CAP2: variants seen among roughly 807,000 people sequenced by gnomAD.
CAP2 encodes adenylyl cyclase-associated protein 2.
In CAP2, 24 loss-of-function variants were observed where a neutral mutation model predicts 57.7. The ratio of observed to expected loss-of-function variants is 0.42; its 90% confidence interval spans 0.30 to 0.58. CAP2 has a LOEUF of 0.58. Among genes scored for constraint, CAP2 ranks in the 20% least tolerant of loss-of-function variants. The pLI, the probability that CAP2 is intolerant of heterozygous loss-of-function variation, is 0.22. For missense variants in CAP2, 501 were observed against 590.3 expected (o/e 0.85, Z 1.57); for synonymous variants, 194 against 207.2 (o/e 0.94, Z 0.55).
In CAP2 at chr6:17,556,150, A is replaced by G. The variant is rs1763305256; in HGVS notation, c.1351-209A>G. 2.0e-5 allele frequency among the ~76,000 whole-genome samples: 3 copies of G among 152,268 alleles called. 1 individual carries two copies. In the South Asian group the frequency reaches 6.2e-4, roughly 32 times the overall value. ...AATGATGCTTTTAGCTTTAATGATG[A>G]TACTGGCTTGAAGTCACAGAACTGA... is the stretch of plus-strand genomic sequence containing the variant. On this transcript the variant is annotated intron_variant, in intron 12 of 12. Transcript: ENST00000229922.
chr6:17,395,161 C>G (rs1489210650), intron 1 of CAP2, among the ~76,000 whole-genome samples: 1 of 152,120 alleles, frequency 6.6e-6, no homozygotes, highest in Non-Finnish European at 1.5e-5. Flanking sequence ...TGTTCCCCAT[C>G]GTTAATGTGA....
In CAP2 at chr6:17,413,496, G is replaced by T. The variant is rs1489790637; in HGVS notation, c.-1-8059G>T. On this transcript the variant is annotated intron_variant, in intron 1 of 12. Transcript: ENST00000229922. ...TTCAGCCCCCTCACACTACAGTAGG[G>T]CAGGAAATGTTTTTTAATCAGCCTT... is the stretch of plus-strand genomic sequence containing the variant. Among the ~76,000 whole-genome samples the T allele has an allele frequency of 2.0e-5, 3 of 152,278 alleles. No individual in the cohort carries two copies. In the East Asian group the frequency reaches 5.8e-4, roughly 29 times the overall value.
intron 4 of CAP2, among the ~76,000 whole-genome samples, chr6:17,489,001 C>T (rs183292718): frequency 1.3e-4 from 20 of 152,276 alleles, no homozygotes; most frequent in Admixed American, 1.2e-3. Context: ...GCTGGCAGGA[C>T]GTCCTACCAT....
At chr6:17,461,763 TG>T (rs1317006963) in intron 3 of CAP2, among the ~76,000 whole-genome samples, 1 of 149,478 alleles carries the variant, frequency 6.7e-6, no homozygotes, top group Non-Finnish European at 1.5e-5. Flanking sequence ...GAGGCCAAGG[TG>T]GGCGGATCAT....
chr6:17,496,908 A>G (rs552106261), intron 4 of CAP2, among the ~76,000 whole-genome samples: 1 of 152,204 alleles, frequency 6.6e-6, no homozygotes, highest in Non-Finnish European at 1.5e-5. Flanking sequence ...ACCATGGGCC[A>G]CTTAAGAGGA....
At position 17,426,115 on chromosome 6, in the gene CAP2, C is replaced by A. The variant is rs138568406; in HGVS notation, c.122-475C>A. On this transcript the variant is annotated intron_variant, in intron 2 of 12. Transcript: ENST00000229922. ...CTCAAAAAACAAACAAACAAACAAA[C>A]AAAAAAACCAAACACATTGATTGAG... is the stretch of plus-strand genomic sequence containing the variant. Among the ~76,000 whole-genome samples, 948 of 151,432 alleles carry A rather than the reference C, an allele frequency of 6.3e-3. 12 individuals are homozygous for A. Among genetic ancestry groups the A allele is most frequent in the South Asian group, 0.052 (249 of 4,766 alleles).
At chr6:17,420,819 A>G (rs1366042649) in intron 1 of CAP2, among the ~76,000 whole-genome samples, 1 of 152,228 alleles carries the variant, frequency 6.6e-6, no homozygotes, top group Admixed American at 6.5e-5. Flanking sequence ...ATGGAATAGA[A>G]AATAAGCTCA....
chr6:17,455,926 G>A (rs1386619619), intron 3 of CAP2, among the ~76,000 whole-genome samples: 1 of 152,192 alleles, frequency 6.6e-6, no homozygotes, highest in Non-Finnish European at 1.5e-5. Context: ...TTCTTATGAG[G>A]AAGCAAGAAC....
chr6:17,400,757 CG>C (rs1281736949), intron 1 of CAP2, among the ~76,000 whole-genome samples: 1 of 150,252 alleles, frequency 6.7e-6, no homozygotes, highest in Non-Finnish European at 1.5e-5. Flanking sequence ...CCCAGCTACT[CG>C]GGAGGCTGAG....
At chr6:17,538,629 CA>C (rs1419884289) in intron 7 of CAP2, among the ~76,000 whole-genome samples, 1 of 152,168 alleles carries the variant, frequency 6.6e-6, no homozygotes, top group African/African-American at 2.4e-5. Flanking sequence ...TCAGTTGGTT[CA>C]CTAACAGCCA....
intron 3 of CAP2, among the ~76,000 whole-genome samples, chr6:17,436,960 A>G (rs918152406): frequency 6.6e-6 from 1 of 152,144 alleles, no homozygotes; most frequent in African/African-American, 2.4e-5. Flanking sequence ...TGAACTGCGC[A>G]TTCGAGGGAT....
At chr6:17,464,007 C>T (rs1760794887) in intron 4 of CAP2, among the ~76,000 whole-genome samples, 2 of 152,092 alleles carry the variant, frequency 1.3e-5, no homozygotes, top group East Asian at 3.9e-4. Flanking sequence ...TAATGGTTGG[C>T]GGAGGTCCGT....
At chr6:17,447,338 T>A (rs1760288165) in intron 3 of CAP2, among the ~76,000 whole-genome samples, 1 of 152,132 alleles carries the variant, frequency 6.6e-6, no homozygotes, top group Non-Finnish European at 1.5e-5. Flanking sequence ...AATTTTACAG[T>A]CACTAGAGAT....
chr6:17,492,881 C>T (rs572468696), intron 4 of CAP2, among the ~76,000 whole-genome samples: 2 of 152,200 alleles, frequency 1.3e-5, no homozygotes, highest in South Asian at 2.1e-4. Flanking sequence ...ACTTATGTAT[C>T]GCAAGTCCCT....
chr6:17,394,814 A>T (rs560052515), intron 1 of CAP2, among the ~76,000 whole-genome samples: 111 of 152,290 alleles, frequency 7.3e-4, no homozygotes, highest in Non-Finnish European at 1.4e-3. Flanking sequence ...GTCTAATTAG[A>T]CTGCAAGCCT....
chr6:17,426,440 G>A (rs1037214877), intron 2 of CAP2, 150 bp from the exon 3 acceptor site: 3 of 598,426 alleles, frequency 5.0e-6, no homozygotes, highest in Non-Finnish European at 9.3e-6. Context: ...TCACCATGTT[G>A]TCCAGGCTGG....
intron 3 of CAP2, among the ~76,000 whole-genome samples, chr6:17,450,801 A>G (rs1479258522): frequency 3.9e-5 from 6 of 152,198 alleles, no homozygotes; most frequent in East Asian, 1.9e-4. Context: ...ATTGAAAAAA[A>G]TCAGTAAAAT....
chr6:17,531,069 A>G (rs1382654231), intron 7 of CAP2: 18 of 775,704 alleles, frequency 2.3e-5, no homozygotes, highest in South Asian at 1.6e-4. Context: ...GATCTCATGA[A>G]TCAGATCCTC....
chr6:17,426,465 C>G (rs1207728622), intron 2 of CAP2, 125 bp from the exon 3 acceptor site: 17 of 683,542 alleles, frequency 2.5e-5, no homozygotes, highest in Non-Finnish European at 3.8e-5. Flanking sequence ...AAACTCCTGA[C>G]CTCAGGTGAT....
Sources: gnomAD v4.1 joint callset for allele counts (sites outside exome capture counted in the v4.1 genomes callset) on GRCh38, gnomAD v4.1.1 for gene constraint, MANE v1.5 for transcripts, NCBI Gene and HGNC (gene_info 2026-07-23, HGNC 2026-07-21) for gene names.